Variants in GRM8 observed in about 807,000 individuals in gnomAD.
GRM8 encodes the protein metabotropic glutamate receptor 8.
A neutral mutation model predicts 87.2 loss-of-function variants in GRM8; 47 were observed. That is an observed-to-expected ratio of 0.54 (90% CI 0.43 to 0.69). GRM8 has a LOEUF of 0.69. GRM8 is among the 30% of genes least tolerant of loss of function. GRM8 has a pLI of 0.00. For synonymous variants in GRM8, 396 were observed against 404.5 expected, an observed-to-expected ratio of 0.98 and a Z score of 0.25; for missense variants, 1,019 against 1,139.2, an observed-to-expected ratio of 0.89 and a Z score of 1.52.
intron 3 of GRM8, among the ~76,000 whole-genome samples, chr7:127,025,330 C>A (rs541193590): frequency 1.1e-4 from 16 of 152,146 alleles, no homozygotes; most frequent in South Asian, 2.1e-4. Context: ...AGACACTAGA[C>A]CCTTGGGGAC....
At chr7:126,585,479 A>T (rs1796016839) in intron 8 of GRM8, among the ~76,000 whole-genome samples, 2 of 152,316 alleles carry the variant, frequency 1.3e-5, no homozygotes, top group African/African-American at 4.8e-5. Flanking sequence ...TTCTTCAATA[A>T]ACTAACATTA....
chr7:126,579,682 A>G (rs1795432912), intron 8 of GRM8, among the ~76,000 whole-genome samples: 1 of 152,174 alleles, frequency 6.6e-6, no homozygotes, highest in Admixed American at 6.6e-5. Context: ...TCTAGATCGC[A>G]CCAGGAGTGT....
intron 7 of GRM8, among the ~76,000 whole-genome samples, chr7:126,618,744 A>G (rs368615479): frequency 1.3e-5 from 2 of 152,228 alleles, no homozygotes; most frequent in East Asian, 1.9e-4. Context: ...AAAAGAAGAC[A>G]TTTATGCAGC....
intron 3 of GRM8, among the ~76,000 whole-genome samples, chr7:126,990,232 T>C (rs1157338440): frequency 6.6e-6 from 1 of 152,064 alleles, no homozygotes; most frequent in East Asian, 1.9e-4. Context: ...TTATTTTTCC[T>C]GCTTCTCTTG....
chr7:126,784,478 T>C (rs894385760), intron 6 of GRM8, among the ~76,000 whole-genome samples: 4 of 152,180 alleles, frequency 2.6e-5, no homozygotes, highest in African/African-American at 9.6e-5. Context: ...CAAATCTGCT[T>C]TTCTCAGTGA....
At chr7:126,623,436 T>C (rs1297987675) in intron 7 of GRM8, among the ~76,000 whole-genome samples, 2 of 152,222 alleles carry the variant, frequency 1.3e-5, no homozygotes, top group African/African-American at 2.4e-5. Context: ...CAAAATCTTA[T>C]GTATACTTTA....
intron 2 of GRM8, among the ~76,000 whole-genome samples, chr7:127,117,959 TAAA>T (rs1441958094): frequency 3.9e-4 from 59 of 152,352 alleles, no homozygotes; most frequent in Admixed American, 3.9e-3. Flanking sequence ...CTCCTGCAAA[TAAA>T]GAAGAATGTT....
chr7:126,678,450 A>C (rs576064124), intron 7 of GRM8, among the ~76,000 whole-genome samples: 40 of 152,334 alleles, frequency 2.6e-4, no homozygotes, highest in African/African-American at 9.6e-4. Flanking sequence ...ATTTGTGTGA[A>C]GTTGGAAGGA....
At chr7:126,589,716 C>T (rs1043820103) in intron 8 of GRM8, among the ~76,000 whole-genome samples, 2 of 152,180 alleles carry the variant, frequency 1.3e-5, no homozygotes, top group Admixed American at 6.5e-5. Context: ...CGGGCCCTCA[C>T]AGAATGCATT....
chr7:127,006,061 G>A (rs1814262765), intron 3 of GRM8, among the ~76,000 whole-genome samples: 1 of 151,698 alleles, frequency 6.6e-6, no homozygotes. Flanking sequence ...ACTCTCATAT[G>A]ATGACCTTGA....
intron 6 of GRM8, among the ~76,000 whole-genome samples, chr7:126,868,342 G>C (rs941538809): frequency 6.6e-6 from 1 of 152,264 alleles, no homozygotes; most frequent in African/African-American, 2.4e-5. Context: ...CTAAGGAGCT[G>C]TGCAGATCAC....
intron 6 of GRM8, among the ~76,000 whole-genome samples, chr7:126,866,055 A>G (rs531644576): frequency 5.3e-4 from 80 of 152,308 alleles, no homozygotes; most frequent in Non-Finnish European, 1.1e-3. Context: ...GCAACGTAGG[A>G]CATTTCCAAT....
intron 3 of GRM8, among the ~76,000 whole-genome samples, chr7:127,064,771 C>T (rs1288030653): frequency 6.6e-6 from 1 of 152,116 alleles, no homozygotes; most frequent in Non-Finnish European, 1.5e-5. Context: ...AAAAAAAGCT[C>T]AATATCACCG....
chr7:126,795,521 T>C (rs943875308), intron 6 of GRM8, among the ~76,000 whole-genome samples: 6 of 152,272 alleles, frequency 3.9e-5, no homozygotes, highest in Admixed American at 3.3e-4. Flanking sequence ...TAAATTCTTT[T>C]ATAATTGGAA....
At chr7:126,601,424 T>A (rs1219238395) in intron 8 of GRM8, among the ~76,000 whole-genome samples, 1 of 152,276 alleles carries the variant, frequency 6.6e-6, no homozygotes, top group African/African-American at 2.4e-5. Flanking sequence ...CAGCATGATT[T>A]ATAGTCATTT....
At chr7:126,464,695 C>G (rs181215509) in intron 9 of GRM8, among the ~76,000 whole-genome samples, 38 of 151,638 alleles carry the variant, frequency 2.5e-4, no homozygotes, top group Admixed American at 1.7e-3. Flanking sequence ...TTTTTTTAGA[C>G]TGATGACAGC....
intron 2 of GRM8, among the ~76,000 whole-genome samples, chr7:127,146,319 G>C (rs554948678): frequency 6.6e-6 from 1 of 152,068 alleles, no homozygotes; most frequent in East Asian, 1.9e-4. Flanking sequence ...TCGCTGAAGA[G>C]AGTGTAGGAG....
At chr7:127,079,685 T>G (rs982358392) in intron 3 of GRM8, among the ~76,000 whole-genome samples, 8 of 152,186 alleles carry the variant, frequency 5.3e-5, no homozygotes, top group Non-Finnish European at 1.2e-4. Context: ...CTGTTTCCCC[T>G]TTTTTCTTCC....
chr7:126,712,246 G>A (rs1292578236), intron 7 of GRM8, among the ~76,000 whole-genome samples: 1 of 152,106 alleles, frequency 6.6e-6, no homozygotes, highest in Non-Finnish European at 1.5e-5. Flanking sequence ...AAAGAGAGAT[G>A]GGAGAATAGC....
Sources: gnomAD v4.1 joint callset for allele counts (sites outside exome capture counted in the v4.1 genomes callset) on GRCh38, gnomAD v4.1.1 for gene constraint, MANE v1.5 for transcripts, NCBI Gene and HGNC (gene_info 2026-07-23, HGNC 2026-07-21) for gene names.